The following ASTN2 variants were observed in gnomAD, a reference collection of about 807,000 sequenced individuals.
ASTN2 encodes astrotactin-2.
In ASTN2, 54 loss-of-function variants were observed where a neutral mutation model predicts 139.8. The ratio of observed to expected loss-of-function variants is 0.39; its 90% CI spans 0.31 to 0.48. The LOEUF is 0.48. Ranked by LOEUF, ASTN2 falls within the 20% of genes least tolerant of loss-of-function variation. The pLI, the probability that ASTN2 is intolerant of heterozygous loss-of-function variation, is 0.95. For synonymous variants in ASTN2, 756 were observed against 719.5 expected, an observed-to-expected ratio of 1.05 and a Z score of -0.81; for missense variants, 1,565 against 1,725.1, an observed-to-expected ratio of 0.91 and a Z score of 1.64.
intron 3 of ASTN2, among the ~76,000 whole-genome samples, chr9:117,210,731 A>T (rs1832093289): frequency 6.6e-6 from 1 of 152,142 alleles, no homozygotes; most frequent in Admixed American, 6.5e-5. Context: ...CCTGATACTA[A>T]AACCAAACAA....
intron 13 of ASTN2, among the ~76,000 whole-genome samples, chr9:116,791,145 G>A (rs914692797): frequency 1.3e-5 from 2 of 152,104 alleles, no homozygotes; most frequent in South Asian, 2.1e-4. Context: ...GTGAGCCACC[G>A]CACCCAGCCC....
At chr9:116,897,256 G>A (rs115456023) in intron 10 of ASTN2, among the ~76,000 whole-genome samples, 155 of 152,318 alleles carry the variant, frequency 1.0e-3, no homozygotes, top group African/African-American at 3.5e-3. Flanking sequence ...GCAAGATCAA[G>A]CTCTGTGCTC....
chr9:117,049,225 G>A (rs762952149), intron 5 of ASTN2, among the ~76,000 whole-genome samples: 3 of 152,052 alleles, frequency 2.0e-5, no homozygotes, highest in Non-Finnish European at 4.4e-5. Context: ...CAAAGAGCTA[G>A]TGTAGTATTT....
intron 4 of ASTN2, among the ~76,000 whole-genome samples, chr9:117,109,750 A>G (rs1829203324): frequency 6.6e-6 from 1 of 152,174 alleles, no homozygotes; most frequent in Non-Finnish European, 1.5e-5. Context: ...AGCAATTTTA[A>G]AAGTTTGTTT....
intron 17 of ASTN2, among the ~76,000 whole-genome samples, chr9:116,636,846 G>A (rs1359629268): frequency 2.6e-5 from 4 of 152,146 alleles, no homozygotes; most frequent in Non-Finnish European, 5.9e-5. Context: ...AGTATTAAGA[G>A]GAGTGGTCTT....
At chr9:116,896,288 A>G (rs1833877503) in intron 10 of ASTN2, among the ~76,000 whole-genome samples, 1 of 152,162 alleles carries the variant, frequency 6.6e-6, no homozygotes, top group South Asian at 2.1e-4. Context: ...TCATTTTCAT[A>G]CTACTATAAA....
intron 4 of ASTN2, among the ~76,000 whole-genome samples, chr9:117,112,705 G>A (rs1013994703): frequency 6.6e-6 from 1 of 151,944 alleles, no homozygotes; most frequent in Non-Finnish European, 1.5e-5. Flanking sequence ...GGTAGGCAAA[G>A]GTCATAGATA....
chr9:116,708,101 G>C (rs1051235059), intron 16 of ASTN2, among the ~76,000 whole-genome samples: 1 of 151,608 alleles, frequency 6.6e-6, no homozygotes, highest in Non-Finnish European at 1.5e-5. Context: ...AGTTAAAATA[G>C]TTAATATGGC....
chr9:116,893,548 A>C (rs1045171942), intron 10 of ASTN2, among the ~76,000 whole-genome samples: 2 of 152,122 alleles, frequency 1.3e-5, no homozygotes, highest in Non-Finnish European at 2.9e-5. Context: ...TTGTAAACCG[A>C]GATGCTAGTA....
chr9:117,371,459 C>T (rs1829988382), intron 1 of ASTN2, among the ~76,000 whole-genome samples: 1 of 152,142 alleles, frequency 6.6e-6, no homozygotes, highest in Non-Finnish European at 1.5e-5. Flanking sequence ...CTTTCACCTG[C>T]TGACAGCCAG....
chr9:116,575,224 T>C (rs893308933), intron 19 of ASTN2, among the ~76,000 whole-genome samples: 3 of 151,944 alleles, frequency 2.0e-5, no homozygotes, highest in Admixed American at 1.3e-4. Context: ...CATAGTAAAA[T>C]TATGTTTTTA....
chr9:117,381,779 ACC>A, intron 1 of ASTN2, among the ~76,000 whole-genome samples: 1 of 152,324 alleles, frequency 6.6e-6, no homozygotes. Context: ...TATATGAAAA[ACC>A]ACTAAATTTT....
chr9:116,935,262 G>A (rs1335577895), intron 10 of ASTN2, among the ~76,000 whole-genome samples: 2 of 152,196 alleles, frequency 1.3e-5, no homozygotes, highest in Admixed American at 1.3e-4. Context: ...CCAGTGACGA[G>A]AATATGGGTT....
intron 3 of ASTN2, among the ~76,000 whole-genome samples, chr9:117,181,786 C>G (rs1176728289): frequency 6.6e-6 from 1 of 152,200 alleles, no homozygotes; most frequent in Non-Finnish European, 1.5e-5. Flanking sequence ...ACAGTAGATA[C>G]TCAGTGTTTG....
At chr9:117,077,598 A>G (rs900994027) in intron 5 of ASTN2, among the ~76,000 whole-genome samples, 5 of 152,196 alleles carry the variant, frequency 3.3e-5, no homozygotes, top group Admixed American at 2.6e-4. Context: ...AAATACAAAA[A>G]TTAGGAAGCC....
intron 16 of ASTN2, among the ~76,000 whole-genome samples, chr9:116,670,128 C>G (rs1859105475): frequency 6.6e-6 from 1 of 152,040 alleles, no homozygotes; most frequent in African/African-American, 2.4e-5. Context: ...ATAAAGCCAC[C>G]CATCAATCAA....
chr9:116,950,079 A>G (rs1835515949), intron 10 of ASTN2, among the ~76,000 whole-genome samples: 1 of 152,182 alleles, frequency 6.6e-6, no homozygotes, highest in Non-Finnish European at 1.5e-5. Flanking sequence ...GAAGCCAGGA[A>G]TGAAAGAGAT....
chr9:116,734,575 G>A (rs1828874547), intron 13 of ASTN2, among the ~76,000 whole-genome samples: 2 of 150,868 alleles, frequency 1.3e-5, no homozygotes, highest in African/African-American at 4.8e-5. Context: ...GAGAGGAGGA[G>A]GAGAGAAGAG....
intron 4 of ASTN2, among the ~76,000 whole-genome samples, chr9:117,141,119 T>C (rs1228066008): frequency 6.6e-6 from 1 of 152,178 alleles, no homozygotes; most frequent in Non-Finnish European, 1.5e-5. Context: ...ATTCTCATTC[T>C]CAGTTGAGGC....
Sources: gnomAD v4.1 joint callset for allele counts (sites outside exome capture counted in the v4.1 genomes callset) on GRCh38, gnomAD v4.1.1 for gene constraint, MANE v1.5 for transcripts, NCBI Gene and HGNC (gene_info 2026-07-23, HGNC 2026-07-21) for gene names.